CORO7: variants seen among roughly 807,000 people sequenced by gnomAD.
CORO7 encodes coronin-7.
A neutral mutation model predicts 126.6 loss-of-function variants in CORO7; 107 were observed. The observed-to-expected ratio is 0.85, with a 90% CI of 0.72 to 0.99. The LOEUF (loss-of-function observed/expected upper bound fraction) is 0.99, where lower values mean the gene tolerates loss of function less well. Ranked by LOEUF, CORO7 falls within the 50% of genes least tolerant of loss-of-function variation. The pLI is 0.00. For missense variants in CORO7, 1,314 were observed against 1,255.8 expected (o/e 1.05, Z -0.70); for synonymous variants, 603 against 536.8 (o/e 1.12, Z -1.70).
intron 9 of CORO7, among the ~76,000 whole-genome samples, chr16:4,376,362 ACC>A (rs2054731025): frequency 6.6e-6 from 1 of 152,190 alleles, no homozygotes; most frequent in African/African-American, 2.4e-5. Context: ...GCCAGGCCTG[ACC>A]GGCCACACAG....
At chr16:4,410,245 C>T (rs933810196) in intron 3 of CORO7, among the ~76,000 whole-genome samples, 2 of 152,096 alleles carry the variant, frequency 1.3e-5, no homozygotes, top group African/African-American at 4.8e-5. Flanking sequence ...GGCAACACAG[C>T]AAAACCCCAT....
chr16:4,393,534 T>G (rs1386988930), intron 7 of CORO7, among the ~76,000 whole-genome samples: 1 of 152,208 alleles, frequency 6.6e-6, no homozygotes, highest in Non-Finnish European at 1.5e-5. Flanking sequence ...CCGTTTGGAC[T>G]AAAAAGCTGC....
At chr16:4,402,838 C>A (rs2055861040) in intron 6 of CORO7, among the ~76,000 whole-genome samples, 2 of 152,194 alleles carry the variant, frequency 1.3e-5, no homozygotes, top group African/African-American at 2.4e-5. Context: ...GTGAGGAGAG[C>A]GCGCCCCCTA....
intron 9 of CORO7, chr16:4,381,672 C>T (rs1414555559): frequency 6.2e-7 from 1 of 1,606,178 alleles, no homozygotes; most frequent in Non-Finnish European, 8.5e-7. Flanking sequence ...GCCTGGCTGC[C>T]CTGCAGGAGC....
chr16:4,412,083 A>T (rs1218148003), intron 3 of CORO7, among the ~76,000 whole-genome samples: 2 of 151,966 alleles, frequency 1.3e-5, no homozygotes, highest in Non-Finnish European at 2.9e-5. Context: ...ACAGGGAGCC[A>T]GCATCAGCCT....
In CORO7 at chr16:4,381,264, C is replaced by T. The variant is rs532373418; in HGVS notation, c.785+6722G>A. 4.3e-6 allele frequency: 7 copies of T among 1,611,792 alleles called. No homozygotes were observed. In the African/African-American group the frequency reaches 6.7e-5, roughly 15 times the overall value. On this transcript the variant is annotated intron_variant, in intron 9 of 27. Transcript: ENST00000251166. Reference sequence around the variant, plus strand: ...GTGGCCTGCGGCGCCTCGAGCGCCTCTACCTGGGCAAGAACCGCATCCGCC... The same window carrying T: ...GTGGCCTGCGGCGCCTCGAGCGCCTTTACCTGGGCAAGAACCGCATCCGCC...
At chr16:4,412,304 G>C in intron 3 of CORO7, 52 bp downstream of exon 3, 1 of 1,600,044 alleles carries the variant, frequency 6.2e-7, no homozygotes, top group Non-Finnish European at 8.6e-7. Flanking sequence ...TCTGGCCCTG[G>C]AGAGGGAGGT....
At chr16:4,358,510 C>T (rs1397902132) in intron 23 of CORO7, 27 bp from the exon 24 acceptor site, 1 of 1,561,056 alleles carries the variant, frequency 6.4e-7, no homozygotes, top group Admixed American at 1.8e-5. Flanking sequence ...GTCGGAGCTG[C>T]CGCTGGGACC....
chr16:4,372,075 C>G (rs1314077148), intron 9 of CORO7: 1 of 151,666 alleles, frequency 6.6e-6, no homozygotes, highest in Non-Finnish European at 1.5e-5. Context: ...GGGACCGCCG[C>G]CGCGCGCACA....
In CORO7 at chr16:4,401,886, G is replaced by A. The variant is rs565169744; in HGVS notation, c.564+3605C>T. Among the ~76,000 whole-genome samples the A allele has an allele frequency of 1.6e-4, 25 of 151,806 alleles. 1 individual carries two copies. The South Asian group carries it at 4.6e-3, about 28-fold the overall frequency. ...CCAGCTATGACGTGGGCAAGCCCCC[G>A]AGCCCCCTATGGTTTCTTTTTTTCC... On this transcript the variant is annotated intron_variant, in intron 6 of 27. Transcript: ENST00000251166.
In CORO7 at chr16:4,388,047, G is replaced by A; in HGVS notation, c.724C>T (p.Leu242=). The change falls in exon 9 of 28, where the codon CTG becomes TTG. Residue 242 remains leucine, a synonymous_variant. Transcript: ENST00000251166. ...CTGGAGAAGAACCGCGTGTCCCACA[G>A]CTTCACTTCGCGCTCACGCATCTGC... ...FNQMREREVK[L]WDTRFFSSAL... 1 of 1,612,982 alleles carries A rather than the reference G, an allele frequency of 6.2e-7. No individual in the cohort carries two copies. The highest frequency in any genetic ancestry group is 8.5e-7 in the Non-Finnish European group (1 of 1,179,834).
In CORO7 at chr16:4,355,343, C is replaced by A. The variant is rs2053942038; in HGVS notation, c.2715G>T (p.Gly905=). The A allele has an allele frequency of 6.2e-7, 1 of 1,612,042 alleles. No homozygotes were observed. The highest frequency in any genetic ancestry group is 1.3e-5 in the African/African-American group (1 of 74,872). The change falls in exon 27 of 28, where the codon GGG becomes GGT. Residue 905 remains glycine, a synonymous_variant. Coordinates refer to ENST00000251166, the MANE Select transcript of CORO7 (RefSeq NM_024535.5). ...CCTGGGGGAGTGGGTCCTCCCGGTTCCCCAGTTTTGCCACCATGGCATTCA... is the reference window on the plus strand; with the variant it reads ...CCTGGGGGAGTGGGTCCTCCCGGTTACCCAGTTTTGCCACCATGGCATTCA... ...ELLNAMVAKL[G]NREDPLPQDS... is the part of the protein sequence containing the mutation.
At chr16:4,403,410 G>A (rs1312195366) in intron 6 of CORO7, among the ~76,000 whole-genome samples, 1 of 152,182 alleles carries the variant, frequency 6.6e-6, no homozygotes, top group African/African-American at 2.4e-5. Flanking sequence ...GCTGACAGGT[G>A]CGGCTTGGAG....
At chr16:4,366,888 C>T (rs1241427577) in intron 9 of CORO7, among the ~76,000 whole-genome samples, 1 of 152,144 alleles carries the variant, frequency 6.6e-6, no homozygotes. Context: ...CCTCCCAACC[C>T]AGACACTGAC....
intron 1 of CORO7, 28 bp from the exon 2 acceptor site, chr16:4,413,432 G>A: frequency 1.3e-6 from 2 of 1,550,862 alleles, no homozygotes; most frequent in Non-Finnish European, 1.7e-6. Flanking sequence ...AGAAGTATGT[G>A]GTGAGAGCCA....
At chr16:4,357,080 C>G in intron 26 of CORO7, 88 bp downstream of exon 26, 1 of 1,536,166 alleles carries the variant, frequency 6.5e-7, no homozygotes, top group Non-Finnish European at 8.9e-7. Flanking sequence ...CTGTCCCAGT[C>G]TGGGTTGGGG....
intron 6 of CORO7, 130 bp from the exon 7 acceptor site, chr16:4,395,469 A>G (rs557658082): frequency 1.7e-4 from 192 of 1,156,802 alleles, no homozygotes; most frequent in Non-Finnish European, 2.2e-4. Context: ...CTGCCATCAC[A>G]CACCAGGGCA....
At position 4,364,851 on chromosome 16, in the gene CORO7, A is replaced by T; in HGVS notation, c.968T>A (p.Met323Lys). ...TAGGACGCGGAGTACCTCGCAGCTC[A>T]TGACGGCCAGCGCCTGCCGGGGCAC... ...ALVPRQALAV[M>K]SCEVLRVLQL... Residue 323 changes from methionine to lysine, a missense_variant, in exon 12 of 28, where the codon ATG becomes AAG. By Grantham distance (95) the Met-to-Lys change is moderately conservative. Coordinates refer to ENST00000251166, the MANE Select transcript of CORO7 (RefSeq NM_024535.5). The T allele has an allele frequency of 6.2e-7, 1 of 1,612,126 alleles. No homozygotes were observed. The highest frequency in any genetic ancestry group is 8.5e-7 in the Non-Finnish European group (1 of 1,179,832).
intron 9 of CORO7, among the ~76,000 whole-genome samples, chr16:4,370,651 C>T (rs1166252277): frequency 6.6e-6 from 1 of 152,218 alleles, no homozygotes; most frequent in East Asian, 1.9e-4. Flanking sequence ...GGGGAGAGGG[C>T]CCTGTGGACG....
Sources: gnomAD v4.1 joint callset for allele counts (sites outside exome capture counted in the v4.1 genomes callset) on GRCh38, gnomAD v4.1.1 for gene constraint, MANE v1.5 for transcripts, NCBI Gene and HGNC (gene_info 2026-07-23, HGNC 2026-07-21) for gene names.